The following TEN1 variants were observed in gnomAD, a reference collection of about 807,000 sequenced individuals.
The protein encoded by TEN1 is CST complex subunit TEN1.
Under a neutral mutation model 9.3 loss-of-function variants are expected in TEN1, and 6 were observed. That is an observed-to-expected ratio of 0.65 (90% CI 0.35 to 1.27). TEN1 has a LOEUF of 1.27. Among genes scored for constraint, TEN1 ranks in the 50% most tolerant of loss-of-function variants. The pLI is 0.03. For synonymous variants in TEN1, 65 were observed against 65.6 expected (o/e 0.99, Z 0.04); for missense variants, 149 against 158.2 (o/e 0.94, Z 0.31).
chr17:75,981,317 G>T (rs1488975882), intron 1 of TEN1, among the ~76,000 whole-genome samples: 5 of 152,010 alleles, frequency 3.3e-5, no homozygotes, highest in Non-Finnish European at 7.4e-5. Flanking sequence ...CTCCAGAGTA[G>T]CTGGGACTAC....
At chr17:75,980,703 G>A (rs892313812) in intron 1 of TEN1, among the ~76,000 whole-genome samples, 1 of 152,190 alleles carries the variant, frequency 6.6e-6, no homozygotes, top group Admixed American at 6.5e-5. Context: ...GATTACAGGC[G>A]TGAGCCGCTG....
At chr17:75,999,491 C>T (rs904784504) in intron 3 of TEN1, among the ~76,000 whole-genome samples, 1 of 152,020 alleles carries the variant, frequency 6.6e-6, no homozygotes, top group Non-Finnish European at 1.5e-5. Context: ...TACAGGCATG[C>T]ACCACTACAC....
chr17:75,983,668 T>G (rs866822214), intron 1 of TEN1, among the ~76,000 whole-genome samples: 7 of 152,316 alleles, frequency 4.6e-5, no homozygotes, highest in Non-Finnish European at 8.8e-5. Flanking sequence ...TTAGTCAATC[T>G]TCTGGAAGGC....
At chr17:75,981,558 C>T (rs932555554) in intron 1 of TEN1, among the ~76,000 whole-genome samples, 4 of 151,070 alleles carry the variant, frequency 2.6e-5, no homozygotes, top group Admixed American at 1.3e-4. Flanking sequence ...AACAATACCC[C>T]AAAATGAAGG....
At chr17:75,995,610 C>A (rs2066213874) in intron 3 of TEN1, among the ~76,000 whole-genome samples, 1 of 152,186 alleles carries the variant, frequency 6.6e-6, no homozygotes, top group Non-Finnish European at 1.5e-5. Context: ...ATCCAAAGGC[C>A]CGAGGGCCCC....
In TEN1 at chr17:75,986,258, T is replaced by C. The variant is rs2066151934; in HGVS notation, c.66T>C (p.Asp22=). The part of the protein sequence containing the change: ...PWEVSAGQVP[D]GSTLRTFGRL... ...AGGTTAGTGCAGGCCAAGTTCCTGATGGGAGCACGCTGAGAACATTTGGCA... is the reference window on the plus strand; with the variant it reads ...AGGTTAGTGCAGGCCAAGTTCCTGACGGGAGCACGCTGAGAACATTTGGCA... Residue 22 remains aspartate (D), a synonymous_variant, in exon 2 of 4, where the codon GAT becomes GAC. Transcript: ENST00000397640. 3.2e-6 allele frequency: 5 copies of C among 1,549,782 alleles called. No homozygotes were observed. The highest frequency in any genetic ancestry group is 3.9e-5 in the Admixed American group (2 of 50,732).
intron 1 of TEN1, among the ~76,000 whole-genome samples, chr17:75,982,304 T>C (rs961224400): frequency 6.6e-6 from 1 of 152,208 alleles, no homozygotes; most frequent in Admixed American, 6.5e-5. Flanking sequence ...CATAAAAATG[T>C]ACAATTTCCC....
chr17:75,983,098 TG>T (rs1465918901), intron 1 of TEN1, among the ~76,000 whole-genome samples: 1 of 150,814 alleles, frequency 6.6e-6, no homozygotes, highest in Non-Finnish European at 1.5e-5. Context: ...CTGGCCAACA[TG>T]GTGAAACCCC....
intron 3 of TEN1, among the ~76,000 whole-genome samples, chr17:75,993,427 A>G (rs548995301): frequency 1.3e-3 from 200 of 152,212 alleles, no homozygotes; most frequent in African/African-American, 4.3e-3. Context: ...GAGAAGAGTC[A>G]CAGCGAATGA....
At chr17:75,999,738 C>T (rs2066241594) in intron 3 of TEN1, among the ~76,000 whole-genome samples, 1 of 152,134 alleles carries the variant, frequency 6.6e-6, no homozygotes, top group Non-Finnish European at 1.5e-5. Context: ...ATCAGGTCAC[C>T]ACCGCATCTG....
In TEN1 at chr17:76,000,192, A is replaced by T. The variant is rs1225289402; in HGVS notation, c.302A>T (p.Asn101Ile). Residue 101 changes from asparagine (N) to isoleucine (I), a missense_variant, in exon 4 of 4, where the codon AAC becomes ATC. Asn to Ile is a moderately radical substitution (Grantham distance 149, BLOSUM62 -3). Transcript: ENST00000397640. This position sits in a 1 kb window ranked among gnomAD's most constrained non-coding sequence, Gnocchi z 5.9. The part of the protein sequence containing the change: ...ARVLTCVEGM[N>I]LPLLEQAIRE... Reference sequence around the variant, plus strand: ...GTGCTGACCTGTGTGGAGGGGATGAACCTGCCCTTGTTGGAACAAGCCATC... The same window carrying T: ...GTGCTGACCTGTGTGGAGGGGATGATCCTGCCCTTGTTGGAACAAGCCATC... The T allele has an allele frequency of 6.4e-7, 1 of 1,551,432 alleles. No individual in the cohort carries two copies. The highest frequency in any genetic ancestry group is 8.7e-7 in the Non-Finnish European group (1 of 1,146,954).
intron 1 of TEN1, among the ~76,000 whole-genome samples, chr17:75,979,721 C>T (rs1207832668): frequency 6.6e-6 from 1 of 151,994 alleles, no homozygotes; most frequent in African/African-American, 2.4e-5. Flanking sequence ...TGGGCTTTTG[C>T]CAAATCCACC....
intron 3 of TEN1, among the ~76,000 whole-genome samples, chr17:75,991,862 C>A (rs950587084): frequency 2.0e-5 from 3 of 152,092 alleles, no homozygotes; most frequent in Non-Finnish European, 4.4e-5. Flanking sequence ...GCCTAGCCAA[C>A]ATGGCGAAAC....
At chr17:75,983,939 A>C (rs73997682) in intron 1 of TEN1, among the ~76,000 whole-genome samples, 11,551 of 152,210 alleles carry the variant, frequency 0.076, 1,421 homozygotes, top group African/African-American at 0.26. Flanking sequence ...TGTTATCTGC[A>C]GGAGTAACTG....
At chr17:75,986,073 T>C in intron 1 of TEN1, 114 bp from the exon 2 acceptor site, 1 of 811,532 alleles carries the variant, frequency 1.2e-6, no homozygotes, top group Non-Finnish European at 1.9e-6. Flanking sequence ...AAACACTGCC[T>C]ACTGGAATTA....
chr17:75,991,085 G>A (rs1044818079), intron 2 of TEN1, among the ~76,000 whole-genome samples: 1 of 144,822 alleles, frequency 6.9e-6, no homozygotes, highest in African/African-American at 2.7e-5. Flanking sequence ...AGGAGGCGGA[G>A]GTTGCAGTGA....
chr17:75,999,096 T>G (rs2066236169), intron 3 of TEN1, among the ~76,000 whole-genome samples: 2 of 151,818 alleles, frequency 1.3e-5, no homozygotes, highest in South Asian at 4.2e-4. Context: ...CTATAATCCA[T>G]GCATGTTGGG....
In TEN1 at chr17:75,979,371, G is replaced by T. The variant is rs879489643; in HGVS notation, c.-147G>T. The T allele has an allele frequency of 7.5e-6, 4 of 535,892 alleles. No individual in the cohort carries two copies. The highest frequency in any genetic ancestry group is 2.0e-5 in the South Asian group (1 of 49,858). The allele number at this position is 535,892 out of a possible 1,614,324, so 33.2% of individuals were successfully genotyped here. On this transcript the variant is annotated 5_prime_UTR_variant, in exon 1 of 4. Coordinates refer to ENST00000397640, the MANE Select transcript of TEN1 (RefSeq NM_001113324.3). ...CTCCCGAGCGGATCCTCGGGAAAGGGGCTCCGAAGGTCAAGAAACTGCCCT... is the reference window on the plus strand; with the variant it reads ...CTCCCGAGCGGATCCTCGGGAAAGGTGCTCCGAAGGTCAAGAAACTGCCCT...
intron 2 of TEN1, among the ~76,000 whole-genome samples, chr17:75,989,848 C>T (rs936372339): frequency 1.3e-5 from 2 of 151,602 alleles, no homozygotes; most frequent in Non-Finnish European, 2.9e-5. Flanking sequence ...TCACAACAGC[C>T]TTGACCCCTC....
Sources: allele counts gnomAD v4.1 joint callset (sites outside exome capture counted in the v4.1 genomes callset), GRCh38; gene constraint gnomAD v4.1.1; non-coding constraint Gnocchi (gnomAD v3.1); transcripts MANE v1.5; gene names NCBI Gene and HGNC (gene_info 2026-07-23, HGNC 2026-07-21).